Variants in PTPRD observed in about 807,000 individuals in gnomAD.
PTPRD encodes receptor-type tyrosine-protein phosphatase delta.
Under a neutral mutation model 214.5 loss-of-function variants are expected in PTPRD, and 34 were observed. The ratio of observed to expected loss-of-function variants is 0.16; its 90% CI spans 0.12 to 0.21. PTPRD has a LOEUF of 0.21. Ranked by LOEUF, PTPRD falls within the 10% of genes least tolerant of loss-of-function variation. The probability of loss-of-function intolerance (pLI) is 1.00; values close to 1 mark genes in which losing one functional copy is unlikely to be tolerated. For missense variants in PTPRD, 2,545 were observed against 2,398.7 expected, an observed-to-expected ratio of 1.06 and a Z score of -1.27; for synonymous variants, 1,128 against 845.7, an observed-to-expected ratio of 1.33 and a Z score of -5.79.
intron 35 of PTPRD, among the ~76,000 whole-genome samples, chr9:8,409,936 G>A (rs1313047140): frequency 1.3e-5 from 2 of 152,140 alleles, no homozygotes; most frequent in Admixed American, 1.3e-4. Flanking sequence ...AACTTCCAAA[G>A]AAACAGTATC....
Position 8,728,231 on chromosome 9 carries a change from C to T in PTPRD, c.64+5549G>A, listed in dbSNP as rs575307907. On this transcript the variant is annotated intron_variant, in intron 12 of 45. Coordinates refer to ENST00000381196, the MANE Select transcript of PTPRD (RefSeq NM_002839.4). ...TGCCATTGCACCCCAGCCTGGGTAA[C>T]AAGAGCAAAACTCCATCTCGAAAAA... Among the ~76,000 whole-genome samples, 8 of 152,230 alleles carry T rather than the reference C, an allele frequency of 5.3e-5. No homozygotes were observed. The East Asian group carries it at 1.5e-3, about 29-fold the overall frequency.
In PTPRD at chr9:8,983,424, C is replaced by G. The variant is rs139003332; in HGVS notation, c.-104+35273G>C. Among the ~76,000 whole-genome samples, 442 of 152,160 alleles carry G rather than the reference C, an allele frequency of 2.9e-3. 2 individuals are homozygous for G. Among genetic ancestry groups the G allele is most frequent in the African/African-American group, 0.01 (426 of 41,532 alleles). ...GTTTTCCTGTAGTAATAGCAAGAGT[C>G]TCAACCCGAGTTAGTGTTCAATACG... On this transcript the variant is annotated intron_variant, in intron 11 of 45. Coordinates refer to ENST00000381196, the MANE Select transcript of PTPRD (RefSeq NM_002839.4).
intron 11 of PTPRD, among the ~76,000 whole-genome samples, chr9:8,821,083 G>A (rs971876573): frequency 4.6e-5 from 7 of 152,152 alleles, no homozygotes; most frequent in African/African-American, 1.7e-4. Context: ...GTGAAAAAAG[G>A]TATGATCAGC....
At chr9:9,049,176 A>T (rs560478288) in intron 10 of PTPRD, among the ~76,000 whole-genome samples, 1 of 152,314 alleles carries the variant, frequency 6.6e-6, no homozygotes, top group East Asian at 1.9e-4. Context: ...CTCAAGGAAC[A>T]TTCTACTGAA....
chr9:9,403,817 G>A (rs184205704), intron 8 of PTPRD, among the ~76,000 whole-genome samples: 4 of 152,000 alleles, frequency 2.6e-5, no homozygotes. Flanking sequence ...CATTATTGTG[G>A]CATGGAGAGG....
rs540218876 is a variant in PTPRD, at chr9:9,190,892, T to C, written c.-202-7529A>G. Reference sequence around the variant, plus strand: ...AATGGGATGAGACTTTGGGGGACTGTTGGAGAGAGTGAGCCTATTCTGCAG... The same window carrying C: ...AATGGGATGAGACTTTGGGGGACTGCTGGAGAGAGTGAGCCTATTCTGCAG... On this transcript the variant is annotated intron_variant, in intron 9 of 45. Transcript: ENST00000381196. Among the ~76,000 whole-genome samples the C allele has an allele frequency of 2.6e-5, 4 of 152,180 alleles. No individual in the cohort carries two copies. In the East Asian group the frequency reaches 7.8e-4, roughly 30 times the overall value.
chr9:9,515,407 A>C (rs998027122), intron 8 of PTPRD, among the ~76,000 whole-genome samples: 3 of 152,136 alleles, frequency 2.0e-5, no homozygotes, highest in African/African-American at 7.2e-5. Flanking sequence ...AATGCAGAGA[A>C]TGAGGATAAC....
intron 5 of PTPRD, among the ~76,000 whole-genome samples, chr9:9,914,523 G>A (rs1166199068): frequency 6.6e-6 from 1 of 152,160 alleles, no homozygotes; most frequent in Non-Finnish European, 1.5e-5. Flanking sequence ...TCACATTCTA[G>A]GCCTGACTTA....
chr9:8,955,550 G>C lies in PTPRD; in HGVS notation c.-104+63147C>G, dbSNP rs7866588. On this transcript the variant is annotated intron_variant, in intron 11 of 45. Coordinates refer to ENST00000381196, the MANE Select transcript of PTPRD (RefSeq NM_002839.4). The stretch of plus-strand genomic sequence containing the variant: ...GAGTTCCCTCTATGGTGTGCTCTTC[G>C]TTATAAGCTTCCCTTGAGCCTTTCA... Among the ~76,000 whole-genome samples, 1,371 of 151,832 alleles carry C rather than the reference G, an allele frequency of 9.0e-3. 10 individuals are homozygous for C. Among genetic ancestry groups the C allele is most frequent in the Non-Finnish European group, 0.015 (990 of 67,810 alleles).
At chr9:9,998,129 A>AAAAAAAAAAATATATAT (rs57991748) in intron 4 of PTPRD, among the ~76,000 whole-genome samples, 12 of 91,446 alleles carry the variant, frequency 1.3e-4, no homozygotes, top group Non-Finnish European at 1.6e-4. Context: ...AAAAAAAAAA[A>AAAAAAAAAAATATATAT]ATATATATAT....
intron 6 of PTPRD, among the ~76,000 whole-genome samples, chr9:9,757,393 GTCTT>G (rs1318686036): frequency 6.6e-6 from 1 of 152,118 alleles, no homozygotes; most frequent in Non-Finnish European, 1.5e-5. Flanking sequence ...GCTTAAATAA[GTCTT>G]TCATAAGCAA....
chr9:9,915,797 A>T (rs567479642), intron 5 of PTPRD, among the ~76,000 whole-genome samples: 6 of 152,106 alleles, frequency 3.9e-5, no homozygotes, highest in African/African-American at 1.4e-4. Flanking sequence ...TGAGAAAATC[A>T]TATTTAATGA....
At chr9:9,929,277 G>C (rs1265883816) in intron 5 of PTPRD, among the ~76,000 whole-genome samples, 1 of 152,086 alleles carries the variant, frequency 6.6e-6, no homozygotes, top group Non-Finnish European at 1.5e-5. Flanking sequence ...TGCCCCTTTG[G>C]ACCAGTAAAG....
chr9:10,160,277 T>C (rs1049228747), intron 3 of PTPRD, among the ~76,000 whole-genome samples: 2 of 152,032 alleles, frequency 1.3e-5, no homozygotes, highest in Admixed American at 1.3e-4. Flanking sequence ...TGGGCACATA[T>C]AATCTGACAA....
chr9:9,714,688 G>C (rs112418128), intron 7 of PTPRD, among the ~76,000 whole-genome samples: 1 of 152,178 alleles, frequency 6.6e-6, no homozygotes, highest in Non-Finnish European at 1.5e-5. Flanking sequence ...GTACTGAAGA[G>C]TGGTGGAGCT....
chr9:8,784,466 C>A (rs1043588622), intron 11 of PTPRD, among the ~76,000 whole-genome samples: 1 of 152,138 alleles, frequency 6.6e-6, no homozygotes, highest in Admixed American at 6.6e-5. Context: ...TCAAACTATT[C>A]CCAAGGATCC....
At chr9:9,402,216 C>T (rs1257489598) in intron 8 of PTPRD, among the ~76,000 whole-genome samples, 3 of 151,828 alleles carry the variant, frequency 2.0e-5, no homozygotes, top group Non-Finnish European at 4.4e-5. Flanking sequence ...AAATATAGTA[C>T]AGAAATGTCC....
chr9:8,731,960 A>C (rs946342408), intron 12 of PTPRD, among the ~76,000 whole-genome samples: 1 of 152,192 alleles, frequency 6.6e-6, no homozygotes, highest in African/African-American at 2.4e-5. Context: ...TTCAAGGGAC[A>C]TCTTAAGGTT....
At chr9:8,638,999 C>T (rs556435583) in intron 12 of PTPRD, among the ~76,000 whole-genome samples, 19 of 152,208 alleles carry the variant, frequency 1.2e-4, no homozygotes, top group African/African-American at 3.9e-4. Context: ...CGTACCACCA[C>T]GCTCAGCTAA....
Sources: gnomAD v4.1 joint callset for allele counts (sites outside exome capture counted in the v4.1 genomes callset) on GRCh38, gnomAD v4.1.1 for gene constraint, MANE v1.5 for transcripts, NCBI Gene and HGNC (gene_info 2026-07-23, HGNC 2026-07-21) for gene names.